DUSP22: variants seen among roughly 807,000 people sequenced by gnomAD.
DUSP22 encodes the protein dual specificity phosphatase 22.
In DUSP22, 24 loss-of-function variants were observed where a neutral mutation model predicts 24.5. The observed-to-expected ratio is 0.98, with a 90% CI of 0.71 to 1.38. DUSP22 has a LOEUF of 1.38. Ranked by LOEUF, DUSP22 falls within the 40% of genes most tolerant of loss-of-function variation. DUSP22 has a pLI of 0.00. For missense variants in DUSP22, 330 were observed against 269.2 expected, an observed-to-expected ratio of 1.23 and a Z score of -1.58; for synonymous variants, 160 against 106.4, an observed-to-expected ratio of 1.50 and a Z score of -3.10.
At chr6:308,723 C>T (rs1226320853) in intron 2 of DUSP22, among the ~76,000 whole-genome samples, 1 of 152,310 alleles carries the variant, frequency 6.6e-6, no homozygotes, top group African/African-American at 2.4e-5. Context: ...TATTGTGCAG[C>T]CTTGTGAACG....
chr6:346,427 T>TAG (rs1175464582), intron 5 of DUSP22, among the ~76,000 whole-genome samples: 1 of 116,974 alleles, frequency 8.5e-6, no homozygotes, highest in Admixed American at 8.8e-5. Flanking sequence ...ATATTTTGTG[T>TAG]AGACACACAC....
intron 4 of DUSP22, chr6:337,225 T>G (rs1759396036): frequency 6.6e-6 from 1 of 152,386 alleles, no homozygotes; most frequent in African/African-American, 2.4e-5. Flanking sequence ...ATCTCAACTG[T>G]AAAGCCAGTT....
At chr6:329,228 T>C (rs1380105048) in intron 3 of DUSP22, among the ~76,000 whole-genome samples, 2 of 152,306 alleles carry the variant, frequency 1.3e-5, no homozygotes, top group African/African-American at 2.4e-5. Context: ...TTTCACAGTT[T>C]GCTTGCTGTC....
intron 3 of DUSP22, among the ~76,000 whole-genome samples, chr6:315,463 C>A (rs1758300322): frequency 6.6e-6 from 1 of 152,306 alleles, no homozygotes; most frequent in Non-Finnish European, 1.5e-5. Flanking sequence ...CTCTCCCAGA[C>A]TGGGGATTTT....
At chr6:346,429 GACACAC>G (rs10642379) in intron 5 of DUSP22, among the ~76,000 whole-genome samples, 19 of 151,198 alleles carry the variant, frequency 1.3e-4, no homozygotes, top group Non-Finnish European at 2.1e-4. Context: ...ATTTTGTGTA[GACACAC>G]ACACACACAC....
At chr6:302,047 T>C (rs1293632959) in intron 1 of DUSP22, among the ~76,000 whole-genome samples, 5 of 152,294 alleles carry the variant, frequency 3.3e-5, no homozygotes, top group Admixed American at 2.0e-4. Flanking sequence ...AAAGTGCAAA[T>C]TGGCATAGTG....
At chr6:300,669 G>A (rs556515615) in intron 1 of DUSP22, among the ~76,000 whole-genome samples, 148 of 152,374 alleles carry the variant, frequency 9.7e-4, no homozygotes, top group African/African-American at 3.4e-3. Flanking sequence ...TCCTAGCAGG[G>A]CGGGTAGGTC....
chr6:307,236 C>T (rs943012137), intron 2 of DUSP22, among the ~76,000 whole-genome samples: 36 of 152,414 alleles, frequency 2.4e-4, no homozygotes, highest in African/African-American at 7.0e-4. Context: ...TAGAAAGGAA[C>T]GTAAACAGTC....
chr6:335,708 G>A (rs192888513), intron 4 of DUSP22, among the ~76,000 whole-genome samples: 41 of 152,398 alleles, frequency 2.7e-4, no homozygotes, highest in East Asian at 1.9e-4. Flanking sequence ...TCTTTCATAC[G>A]AAGTCTGGGG....
chr6:321,014 C>T (rs1203355101), intron 3 of DUSP22, among the ~76,000 whole-genome samples: 1 of 152,302 alleles, frequency 6.6e-6, no homozygotes, highest in African/African-American at 2.4e-5. Flanking sequence ...GAGGCAAGGG[C>T]CCTGGGCACC....
chr6:310,463 T>TG, intron 2 of DUSP22, among the ~76,000 whole-genome samples: 2 of 152,308 alleles, frequency 1.3e-5, no homozygotes, highest in South Asian at 4.1e-4. Flanking sequence ...ATAATTTTGT[T>TG]ATCTTCTTAG....
intron 2 of DUSP22, 81 bp from the exon 3 acceptor site, chr6:311,799 T>G: frequency 4.8e-5 from 64 of 1,344,206 alleles, no homozygotes; most frequent in Non-Finnish European, 5.8e-5. Context: ...TTTTGTGGGT[T>G]TTTTTTTTTT....
intron 1 of DUSP22, among the ~76,000 whole-genome samples, chr6:302,799 C>T (rs539493950): frequency 8.5e-4 from 129 of 152,354 alleles, no homozygotes; most frequent in Non-Finnish European, 1.1e-3. Context: ...TATTCGAGAC[C>T]ATCACAACAG....
intron 4 of DUSP22, among the ~76,000 whole-genome samples, chr6:344,072 AG>A (rs1271931331): frequency 1.4e-4 from 22 of 152,296 alleles, no homozygotes; most frequent in Admixed American, 3.3e-4. Flanking sequence ...TCTGAGTGGC[AG>A]GGGACACACA....
intron 4 of DUSP22, among the ~76,000 whole-genome samples, chr6:337,432 C>G (rs1759405791): frequency 6.6e-6 from 1 of 152,300 alleles, no homozygotes; most frequent in Non-Finnish European, 1.5e-5. Flanking sequence ...AAGGTAGTTG[C>G]AATAACAAGT....
At chr6:306,228 A>G (rs1223715258) in intron 2 of DUSP22, among the ~76,000 whole-genome samples, 1 of 152,298 alleles carries the variant, frequency 6.6e-6, no homozygotes, top group African/African-American at 2.4e-5. Context: ...GTTTAGGATA[A>G]GTTCTTAGAA....
intron 3 of DUSP22, among the ~76,000 whole-genome samples, chr6:333,526 G>A (rs1251163125): frequency 1.3e-5 from 2 of 152,306 alleles, no homozygotes; most frequent in East Asian, 3.8e-4. Flanking sequence ...TGAGGCAAGA[G>A]GGAATTCTCT....
rs1157513606 is a variant in DUSP22, at chr6:350,397, G to GA, written c.*1452dup. 9.1e-7 allele frequency: 1 copy of GA among 1,095,678 alleles called. No homozygotes were observed. The highest frequency in any genetic ancestry group is 7.6e-5 in the East Asian group (1 of 13,094). The allele number at this position is 1,095,678 out of a possible 1,614,324, so 67.9% of individuals were successfully genotyped here. A position where few individuals can be genotyped will look rare whatever the true frequency, so the allele number is the denominator to read the frequency against. On this transcript the variant is annotated 3_prime_UTR_variant, in exon 7 of 7. Transcript: ENST00000419235. ...CTTAAGCATGCAGAGTCACTCGAAT[G>GA]AAAAAACATACTCGACCTCTCCCTA...
chr6:299,837 A>T (rs1757503082), intron 1 of DUSP22, among the ~76,000 whole-genome samples: 1 of 152,300 alleles, frequency 6.6e-6, no homozygotes, highest in Non-Finnish European at 1.5e-5. Flanking sequence ...GTGGAAGTCC[A>T]CTCAGGGCAG....
Sources: allele counts gnomAD v4.1 joint callset (sites outside exome capture counted in the v4.1 genomes callset), GRCh38; gene constraint gnomAD v4.1.1; transcripts MANE v1.5; gene names NCBI Gene and HGNC (gene_info 2026-07-23, HGNC 2026-07-21).